LRRC28: variants seen among roughly 807,000 people sequenced by gnomAD.
LRRC28 encodes the protein leucine rich repeat containing 28.
Under a neutral mutation model 45.7 loss-of-function variants are expected in LRRC28, and 39 were observed. The observed-to-expected ratio is 0.85, with a 90% confidence interval of 0.66 to 1.12. The LOEUF is 1.12. LRRC28 is among the 50% of genes most tolerant of loss of function. The pLI, the probability that LRRC28 is intolerant of heterozygous loss-of-function variation, is 0.00. For synonymous variants in LRRC28, 206 were observed against 178.8 expected, an observed-to-expected ratio of 1.15 and a Z score of -1.22; for missense variants, 435 against 438.5, an observed-to-expected ratio of 0.99 and a Z score of 0.07.
intron 3 of LRRC28, 47 bp from the exon 4 acceptor site, chr15:99,287,209 CA>C: frequency 6.8e-7 from 1 of 1,477,550 alleles, no homozygotes; most frequent in Non-Finnish European, 9.2e-7. Flanking sequence ...GATTATCTGG[CA>C]AAAGTACTTA....
In LRRC28 at chr15:99,363,211, T is replaced by G. The variant is rs1164803008; in HGVS notation, c.977T>G (p.Val326Gly). The G allele has an allele frequency of 6.2e-7, 1 of 1,614,062 alleles. No homozygotes were observed. Among genetic ancestry groups the G allele is most frequent in the Non-Finnish European group, 8.5e-7 (1 of 1,179,930 alleles). The change falls in exon 9 of 10, where the codon GTC becomes GGC. Residue 326 changes from valine (V) to glycine (G), a missense_variant. Physicochemically the swap from Val to Gly is moderately radical, Grantham distance 109 (BLOSUM62 -3). Coordinates refer to ENST00000301981, the MANE Select transcript of LRRC28 (RefSeq NM_144598.5). Reference protein sequence around the residue: ...HRCSEPMFTIVYPKLFPLRET... With the variant: ...HRCSEPMFTIGYPKLFPLRET... ...TGTAGTGAGCCTATGTTTACCATCG[T>G]CTACCCCAAGCTCTTTCCCTTGAGA...
chr15:99,385,643 G>T (rs1015194010), intron 9 of LRRC28, among the ~76,000 whole-genome samples: 1 of 152,152 alleles, frequency 6.6e-6, no homozygotes, highest in African/African-American at 2.4e-5. Context: ...GGCTAAATTG[G>T]AGACATTTTC....
intron 9 of LRRC28, among the ~76,000 whole-genome samples, chr15:99,365,354 T>A (rs973533676): frequency 6.6e-6 from 1 of 152,252 alleles, no homozygotes; most frequent in East Asian, 1.9e-4. Context: ...AGAGTGCCTC[T>A]GTTTATAGCA....
intron 3 of LRRC28, among the ~76,000 whole-genome samples, chr15:99,282,978 C>T (rs985053460): frequency 6.6e-6 from 1 of 152,070 alleles, no homozygotes; most frequent in Non-Finnish European, 1.5e-5. Flanking sequence ...CTGCAACCTC[C>T]GCCTCCTGGG....
intron 5 of LRRC28, among the ~76,000 whole-genome samples, chr15:99,308,713 A>G (rs949253406): frequency 2.6e-5 from 4 of 152,220 alleles, no homozygotes; most frequent in Non-Finnish European, 5.9e-5. Context: ...GTACTAGCTT[A>G]TAATACTATA....
intron 2 of LRRC28, among the ~76,000 whole-genome samples, chr15:99,261,961 T>C (rs4344722): frequency 0.77 from 117,659 of 152,126 alleles, 45,466 homozygotes; most frequent in Middle Eastern, 0.86. Context: ...CCGGCTGGTC[T>C]CACCTTTTAA....
intron 2 of LRRC28, among the ~76,000 whole-genome samples, chr15:99,274,856 C>G (rs2081573857): frequency 6.6e-6 from 1 of 152,152 alleles, no homozygotes; most frequent in Non-Finnish European, 1.5e-5. Flanking sequence ...GCTTAGAAAG[C>G]TATACAGAAC....
intron 2 of LRRC28, chr15:99,259,771 A>C: frequency 7.7e-7 from 1 of 1,292,112 alleles, no homozygotes; most frequent in Non-Finnish European, 1.1e-6. Flanking sequence ...TTTTGTTTGA[A>C]ACAGCAATGC....
intron 9 of LRRC28, among the ~76,000 whole-genome samples, chr15:99,370,746 T>G (rs1957462849): frequency 6.6e-6 from 1 of 152,170 alleles, no homozygotes; most frequent in Non-Finnish European, 1.5e-5. Flanking sequence ...GATCCAGTCT[T>G]TGTCAAGCAA....
At chr15:99,278,397 G>A (rs1430298129) in intron 3 of LRRC28, among the ~76,000 whole-genome samples, 2 of 152,146 alleles carry the variant, frequency 1.3e-5, no homozygotes, top group African/African-American at 2.4e-5. Flanking sequence ...ACAGGCATCC[G>A]CCACCACGCC....
chr15:99,292,378 A>G (rs540475302), intron 5 of LRRC28, among the ~76,000 whole-genome samples: 63 of 115,728 alleles, frequency 5.4e-4, no homozygotes, highest in African/African-American at 1.8e-3. Context: ...TTTTTTTTGA[A>G]ACGGAGTCTC....
chr15:99,351,118 C>CT, intron 6 of LRRC28, among the ~76,000 whole-genome samples: 1 of 152,134 alleles, frequency 6.6e-6, no homozygotes, highest in East Asian at 1.9e-4. Context: ...ATATTATGTT[C>CT]TTTCTTAAGA....
At chr15:99,366,759 G>A (rs1191838687) in intron 9 of LRRC28, among the ~76,000 whole-genome samples, 5 of 151,912 alleles carry the variant, frequency 3.3e-5, no homozygotes, top group African/African-American at 4.8e-5. Flanking sequence ...TATGAATTTA[G>A]GAAGGAAACA....
chr15:99,306,312 G>C (rs1173349769), intron 5 of LRRC28, among the ~76,000 whole-genome samples: 1 of 152,174 alleles, frequency 6.6e-6, no homozygotes, highest in South Asian at 2.1e-4. Context: ...CAAATGGACC[G>C]ATGGGGATTT....
chr15:99,258,722 G>T, intron 2 of LRRC28: 1 of 709,356 alleles, frequency 1.4e-6, no homozygotes, highest in Non-Finnish European at 2.7e-6. Flanking sequence ...TGATGACCCT[G>T]TGGCTTGTAT....
chr15:99,361,400 G>GT lies in LRRC28; in HGVS notation c.764dup (p.Leu256ProfsTer4), dbSNP rs2152326028. Reference sequence around the variant, plus strand: ...TTCCTTTTCATCAGGGCAGCGAACCGTTTTCCTCCCAGCTGAGGTGAAGGC... The same window carrying GT: ...TTCCTTTTCATCAGGGCAGCGAACCGTTTTTCCTCCCAGCTGAGGTGAAGGC... On this transcript the variant is annotated frameshift_variant, in exon 8 of 10. Transcript: ENST00000301981. LOFTEE classifies it high-confidence loss of function. 2 of 1,613,884 alleles carry GT rather than the reference G, an allele frequency of 1.2e-6. No individual in the cohort carries two copies. Among genetic ancestry groups the GT allele is most frequent in the East Asian group, 2.2e-5 (1 of 44,872 alleles).
intron 6 of LRRC28, chr15:99,338,227 G>A (rs998294347): frequency 6.6e-6 from 1 of 152,182 alleles, no homozygotes; most frequent in East Asian, 1.9e-4. Flanking sequence ...GAAGATCGGT[G>A]TGGAAATTGA....
At chr15:99,296,887 T>C (rs934212505) in intron 5 of LRRC28, among the ~76,000 whole-genome samples, 1 of 152,146 alleles carries the variant, frequency 6.6e-6, no homozygotes, top group African/African-American at 2.4e-5. Flanking sequence ...GAGTGTGTTA[T>C]TGTAGCTAGT....
Position 99,389,379 on chromosome 15 carries a change from G to A in LRRC28, c.*3277G>A, listed in dbSNP as rs894223779. 1 of 151,998 alleles carries A rather than the reference G, an allele frequency of 6.6e-6. No homozygotes were observed. The highest frequency in any genetic ancestry group is 2.4e-5 in the African/African-American group (1 of 41,270). 9.4% of individuals were successfully genotyped at this position (151,998 alleles called of 1,614,324 possible). ...AATATGTAACTATTTTGTAGTCTGT[G>A]GGGACTTTCAAAGCCAATTTTTAAA... On this transcript the variant is annotated 3_prime_UTR_variant, in exon 10 of 10. Coordinates refer to ENST00000301981, the MANE Select transcript of LRRC28 (RefSeq NM_144598.5).
Sources: allele counts gnomAD v4.1 joint callset (sites outside exome capture counted in the v4.1 genomes callset), GRCh38; gene constraint gnomAD v4.1.1; transcripts MANE v1.5; gene names NCBI Gene and HGNC (gene_info 2026-07-23, HGNC 2026-07-21).